The following ATAD3A variants were observed in gnomAD, a reference collection of about 807,000 sequenced individuals.
The protein encoded by ATAD3A is ATPase family AAA domain containing 3A, also known as ATPase family AAA domain-containing protein 3A.
ATAD3A carries 46 observed loss-of-function variants against 73.8 expected under a neutral mutation model. The ratio of observed to expected loss-of-function variants is 0.62; its 90% CI spans 0.49 to 0.80. ATAD3A has a LOEUF of 0.80. Among genes scored for constraint, ATAD3A ranks in the 30% least tolerant of loss-of-function variants. The pLI, the probability that ATAD3A is intolerant of heterozygous loss-of-function variation, is 0.00. For synonymous variants in ATAD3A, 319 were observed against 350.0 expected, an observed-to-expected ratio of 0.91 and a Z score of 0.99; for missense variants, 705 against 838.0, an observed-to-expected ratio of 0.84 and a Z score of 1.96.
intron 4 of ATAD3A, 54 bp from the exon 5 acceptor site, chr1:1,518,867 G>T (rs1461007366): frequency 1.2e-6 from 2 of 1,613,800 alleles, no homozygotes; most frequent in Non-Finnish European, 1.7e-6. Flanking sequence ...CCGCACACAT[G>T]GGCACAGTCA....
intron 15 of ATAD3A, among the ~76,000 whole-genome samples, chr1:1,530,111 G>A (rs891161320): frequency 4.6e-5 from 7 of 152,208 alleles, no homozygotes; most frequent in African/African-American, 1.7e-4. Flanking sequence ...ACAGGGGGCT[G>A]TATTAGTCAG....
intron 12 of ATAD3A, among the ~76,000 whole-genome samples, chr1:1,526,102 A>C (rs906206654): frequency 1.3e-5 from 2 of 151,294 alleles, no homozygotes; most frequent in Non-Finnish European, 2.9e-5. Context: ...AGCTCACTAC[A>C]ACCTCTGCCT....
intron 7 of ATAD3A, among the ~76,000 whole-genome samples, chr1:1,521,729 C>T (rs1475075887): frequency 1.3e-5 from 2 of 152,208 alleles, no homozygotes; most frequent in African/African-American, 4.8e-5. Flanking sequence ...GAGACAGGGT[C>T]TTGCTCTGTG....
intron 7 of ATAD3A, among the ~76,000 whole-genome samples, chr1:1,521,858 C>T (rs1364735390): frequency 1.3e-5 from 2 of 151,802 alleles, no homozygotes; most frequent in African/African-American, 2.4e-5. Context: ...CGTCACCACA[C>T]TCAGCTAATA....
chr1:1,519,103 T>G, intron 5 of ATAD3A, 113 bp downstream of exon 5: 1 of 1,585,068 alleles, frequency 6.3e-7, no homozygotes. Context: ...ACCAGTGCAG[T>G]GGGCGAGGCC....
At chr1:1,514,555 C>T (rs1169107993) in intron 1 of ATAD3A, among the ~76,000 whole-genome samples, 1 of 152,206 alleles carries the variant, frequency 6.6e-6, no homozygotes, top group Non-Finnish European at 1.5e-5. Context: ...AAATCTGACA[C>T]TGATGCCCGT....
intron 1 of ATAD3A, among the ~76,000 whole-genome samples, chr1:1,514,833 C>G (rs1452906215): frequency 6.6e-6 from 1 of 152,264 alleles, no homozygotes; most frequent in East Asian, 1.9e-4. Flanking sequence ...CATCGGGGGT[C>G]CCTGCCTACT....
In ATAD3A at chr1:1,526,510, G is replaced by T. The variant is rs372052225; in HGVS notation, c.1316G>T (p.Arg439Leu). The stretch of plus-strand genomic sequence containing the variant: ...GCCACACTGAACGCCTTCCTGTACC[G>T]CACGGGCCAGCACAGCAACAAGTGA... ...LRATLNAFLY[R>L]TGQHSNKFML... The change falls in exon 13 of 16, where the codon CGC becomes CTC. Residue 439 changes from arginine (R) to leucine (L), a missense_variant. By Grantham distance (102) the Arg-to-Leu change is moderately radical. Coordinates refer to ENST00000378756, the MANE Select transcript of ATAD3A (RefSeq NM_001170535.3). 1.2e-6 allele frequency: 2 copies of T among 1,612,246 alleles called. No homozygotes were observed. The highest frequency in any genetic ancestry group is 1.7e-6 in the Non-Finnish European group (2 of 1,179,606).
In ATAD3A at chr1:1,520,494, T is replaced by C; in HGVS notation, c.681-54T>C. ...GGCCTCACCCTCAACCTGCTCTCGC[T>C]GCGTGGCACGGATCTTCGTGTCCTT... On this transcript the variant is annotated intron_variant, in intron 6 of 15. Coordinates refer to ENST00000378756, the MANE Select transcript of ATAD3A (RefSeq NM_001170535.3). The surrounding 1 kb of genome is among the most constrained non-coding windows in gnomAD (Gnocchi z 4.0). 1.9e-6 allele frequency: 3 copies of C among 1,613,990 alleles called. No individual in the cohort carries two copies. Among genetic ancestry groups the C allele is most frequent in the East Asian group, 2.2e-5 (1 of 44,882 alleles).
At chr1:1,518,621 AC>A (rs148694040) in intron 4 of ATAD3A, among the ~76,000 whole-genome samples, 69 of 38,076 alleles carry the variant, frequency 1.8e-3, no homozygotes, top group Middle Eastern at 0.029. Context: ...GGGCGTACAC[AC>A]CCCCCCCCAC....
Position 1,523,395 on chromosome 1 carries a change from G to C in ATAD3A, c.907-116G>C. 1 of 1,504,452 alleles carries C rather than the reference G, an allele frequency of 6.6e-7. No homozygotes were observed. 93.2% of individuals were successfully genotyped at this position (1,504,452 alleles called of 1,614,324 possible). A position where few individuals can be genotyped will look rare whatever the true frequency, so the allele number is the denominator to read the frequency against. On this transcript the variant is annotated intron_variant, in intron 8 of 15. Coordinates refer to ENST00000378756, the MANE Select transcript of ATAD3A (RefSeq NM_001170535.3). This position sits in a 1 kb window ranked among gnomAD's most constrained non-coding sequence, Gnocchi z 5.1. ...GGGTTCCAGCTCCGGGCCGGTCCTG[G>C]CTGTGCTTTGGGGCAGCTCCGTTTC...
rs374071750 is a variant in ATAD3A, at chr1:1,520,188, C to G, written c.562C>G (p.Arg188Gly). 6.8e-6 allele frequency: 11 copies of G among 1,611,904 alleles called. No individual in the cohort carries two copies. Among genetic ancestry groups the G allele is most frequent in the South Asian group, 1.1e-5 (1 of 90,986 alleles). ...MELRHKNEML[R>G]VEAEARARAK... ...GCTGCGGCACAAGAATGAGATGCTG[C>G]GAGTGGAGGCCGAGGCCCGGGCGCG... The change falls in exon 6 of 16, where the codon CGA becomes GGA. Residue 188 changes from arginine (R) to glycine (G), a missense_variant. Transcript: ENST00000378756. This position sits in a 1 kb window ranked among gnomAD's most constrained non-coding sequence, Gnocchi z 4.0.
In ATAD3A at chr1:1,523,546, G is replaced by C. The variant is rs982712511; in HGVS notation, c.942G>C (p.Ala314=). 1 of 1,612,816 alleles carries C rather than the reference G, an allele frequency of 6.2e-7. No homozygotes were observed. The highest frequency in any genetic ancestry group is 8.5e-7 in the Non-Finnish European group (1 of 1,179,704). ...SRRLLSRPQD[A]LEGVVLSPSL... is the part of the protein sequence containing the mutation. ...GGCTCCTCAGTCGACCCCAGGACGCGCTGGAGGGTGTTGTGCTCAGTGTAA... is the reference window on the plus strand; with the variant it reads ...GGCTCCTCAGTCGACCCCAGGACGCCCTGGAGGGTGTTGTGCTCAGTGTAA... The change falls in exon 9 of 16, where the codon GCG becomes GCC. Residue 314 remains alanine, a synonymous_variant. Transcript: ENST00000378756. The surrounding 1 kb of genome is among the most constrained non-coding windows in gnomAD (Gnocchi z 5.1).
intron 7 of ATAD3A, among the ~76,000 whole-genome samples, chr1:1,521,874 C>G (rs550872377): frequency 6.6e-6 from 1 of 151,532 alleles, no homozygotes; most frequent in Non-Finnish European, 1.5e-5. Flanking sequence ...TAATATAGGC[C>G]TGTGCCACCA....
chr1:1,520,324 C>T lies in ATAD3A; in HGVS notation c.680+18C>T, dbSNP rs1475720067. 6.2e-7 allele frequency: 1 copy of T among 1,607,288 alleles called. No individual in the cohort carries two copies. Among genetic ancestry groups the T allele is most frequent in the Admixed American group, 1.7e-5 (1 of 59,894 alleles). On this transcript the variant is annotated intron_variant, in intron 6 of 15. Coordinates refer to ENST00000378756, the MANE Select transcript of ATAD3A (RefSeq NM_001170535.3). The surrounding 1 kb of genome is among the most constrained non-coding windows in gnomAD (Gnocchi z 4.0). ...TCCATCAGGTGAGCACTGCCGAGGC[C>T]CGGGCCGGCCACAGATGGAGCCCCG... is the stretch of plus-strand genomic sequence containing the variant.
In ATAD3A at chr1:1,523,002, C is replaced by T. The variant is rs1254926142; in HGVS notation, c.906+103C>T. On this transcript the variant is annotated intron_variant, in intron 8 of 15. Coordinates refer to ENST00000378756, the MANE Select transcript of ATAD3A (RefSeq NM_001170535.3). This position sits in a 1 kb window ranked among gnomAD's most constrained non-coding sequence, Gnocchi z 5.1. ...CACCCTCCCGTCCCTTCCCTTTCCC[C>T]GGATAACGGGCACCCGCACACTGCT... is the stretch of plus-strand genomic sequence containing the variant. 2.0e-4 allele frequency: 303 copies of T among 1,515,764 alleles called. 1 individual carries two copies. The highest frequency in any genetic ancestry group is 2.5e-4 in the Non-Finnish European group (278 of 1,129,280). 93.9% of individuals were successfully genotyped at this position (1,515,764 alleles called of 1,614,324 possible). A position where few individuals can be genotyped will look rare whatever the true frequency, so the allele number is the denominator to read the frequency against.
At chr1:1,515,291 G>T (rs553320424) in intron 1 of ATAD3A, among the ~76,000 whole-genome samples, 1 of 152,008 alleles carries the variant, frequency 6.6e-6, no homozygotes, top group Non-Finnish European at 1.5e-5. Context: ...TGGTCAGGCC[G>T]GTCTCTAACT....
At chr1:1,518,250 CACAG>C (rs1641437847) in intron 4 of ATAD3A, among the ~76,000 whole-genome samples, 1 of 151,316 alleles carries the variant, frequency 6.6e-6, no homozygotes, top group African/African-American at 2.4e-5. Flanking sequence ...CACACACACA[CACAG>C]ATACGCACAC....
In ATAD3A at chr1:1,520,653, T is replaced by A. The variant is rs539183473; in HGVS notation, c.750+36T>A. On this transcript the variant is annotated intron_variant, in intron 7 of 15. Transcript: ENST00000378756. The surrounding 1 kb of genome is among the most constrained non-coding windows in gnomAD (Gnocchi z 4.0). ...TCATAAAACAGGGCTGGCAGGTGGC[T>A]GAGGGGCAGCATGTGGGGGCCTCCT... is the stretch of plus-strand genomic sequence containing the variant. 1 of 1,613,060 alleles carries A rather than the reference T, an allele frequency of 6.2e-7. No individual in the cohort carries two copies. Among genetic ancestry groups the A allele is most frequent in the Admixed American group, 1.7e-5 (1 of 60,024 alleles).
Sources: allele counts gnomAD v4.1 joint callset (sites outside exome capture counted in the v4.1 genomes callset), GRCh38; gene constraint gnomAD v4.1.1; non-coding constraint Gnocchi (gnomAD v3.1); transcripts MANE v1.5; gene names NCBI Gene and HGNC (gene_info 2026-07-23, HGNC 2026-07-21).